The following SLC38A4 variants were observed in gnomAD, a reference collection of about 807,000 sequenced individuals.
The protein encoded by SLC38A4 is sodium-coupled neutral amino acid transporter 4.
A neutral mutation model predicts 63.1 loss-of-function variants in SLC38A4; 20 were observed. That is an observed-to-expected ratio of 0.32 (90% CI 0.22 to 0.46). The LOEUF is 0.46. SLC38A4 is among the 20% of genes least tolerant of loss of function. SLC38A4 has a pLI of 1.00. For missense variants in SLC38A4, 526 were observed against 663.6 expected (o/e 0.79, Z 2.28); for synonymous variants, 230 against 225.5 (o/e 1.02, Z -0.18).
intron 2 of SLC38A4, among the ~76,000 whole-genome samples, chr12:46,799,817 T>C (rs73102706): frequency 0.014 from 2,190 of 152,268 alleles, 18 homozygotes; most frequent in Middle Eastern, 0.031. Context: ...CTTTAGACTA[T>C]ATCATAATTG....
At chr12:46,805,612 A>G (rs181212718) in intron 1 of SLC38A4, among the ~76,000 whole-genome samples, 167 of 152,064 alleles carry the variant, frequency 1.1e-3, no homozygotes, top group African/African-American at 3.5e-3. Flanking sequence ...ATGTAATCTC[A>G]TGCGCATTTG....
intron 2 of SLC38A4, among the ~76,000 whole-genome samples, chr12:46,800,143 A>T (rs1253951219): frequency 3.3e-5 from 5 of 152,218 alleles, no homozygotes; most frequent in African/African-American, 1.2e-4. Context: ...CACTGGGTAG[A>T]CCTGGCTGTC....
At chr12:46,810,613 A>T (rs1939321361) in intron 1 of SLC38A4, among the ~76,000 whole-genome samples, 1 of 151,810 alleles carries the variant, frequency 6.6e-6, no homozygotes, top group Non-Finnish European at 1.5e-5. Flanking sequence ...AAGAGAAATC[A>T]TGTATATCAA....
At position 46,766,214 on chromosome 12, in the gene SLC38A4, T is replaced by G. The variant is rs1938295827; in HGVS notation, c.*487A>C. ...CAGAAACAGTTCCTAAGACATGCCT[T>G]TTGCCTCTGTTAGTAAACAGACCAG... On this transcript the variant is annotated 3_prime_UTR_variant, in exon 17 of 17. Transcript: ENST00000266579. The G allele has an allele frequency of 8.3e-6, 3 of 360,062 alleles. No individual in the cohort carries two copies. Among genetic ancestry groups the G allele is most frequent in the African/African-American group, 2.1e-5 (1 of 46,928 alleles). The allele number at this position is 360,062 out of a possible 1,614,324, so 22.3% of individuals were successfully genotyped here.
chr12:46,801,920 A>G (rs1267995895), intron 2 of SLC38A4, among the ~76,000 whole-genome samples: 1 of 152,028 alleles, frequency 6.6e-6, no homozygotes, highest in Non-Finnish European at 1.5e-5. Flanking sequence ...GTACTTGACT[A>G]TTTCCTATTG....
At chr12:46,822,637 G>C (rs1405930414) in intron 1 of SLC38A4, among the ~76,000 whole-genome samples, 1 of 152,162 alleles carries the variant, frequency 6.6e-6, no homozygotes, top group Non-Finnish European at 1.5e-5. Flanking sequence ...ATGAACTGGA[G>C]AGCTGAGGCA....
intron 1 of SLC38A4, among the ~76,000 whole-genome samples, chr12:46,816,650 T>A (rs984536496): frequency 2.6e-5 from 4 of 151,948 alleles, no homozygotes; most frequent in African/African-American, 9.7e-5. Context: ...CACACTTGAC[T>A]GTTTCCCCAT....
chr12:46,799,329 C>T (rs865828614), intron 2 of SLC38A4, among the ~76,000 whole-genome samples: 3 of 152,074 alleles, frequency 2.0e-5, no homozygotes, highest in African/African-American at 7.2e-5. Flanking sequence ...GGGATGGGCA[C>T]GGTGGCTCAC....
intron 2 of SLC38A4, among the ~76,000 whole-genome samples, chr12:46,802,586 C>G (rs766348086): frequency 6.6e-6 from 1 of 151,948 alleles, no homozygotes; most frequent in Non-Finnish European, 1.5e-5. Context: ...AATGTAAATA[C>G]TTTCAAGAAA....
chr12:46,797,698 G>A (rs996495031), intron 2 of SLC38A4, among the ~76,000 whole-genome samples: 3 of 151,996 alleles, frequency 2.0e-5, no homozygotes, highest in South Asian at 2.1e-4. Context: ...GAACTCTGAT[G>A]AATACATATA....
At chr12:46,815,049 T>C (rs1939411086) in intron 1 of SLC38A4, among the ~76,000 whole-genome samples, 1 of 151,636 alleles carries the variant, frequency 6.6e-6, no homozygotes, top group Non-Finnish European at 1.5e-5. Context: ...TGGCATGAGT[T>C]TTCACCTAAA....
chr12:46,792,123 G>C (rs1938903217), intron 3 of SLC38A4, among the ~76,000 whole-genome samples: 1 of 152,138 alleles, frequency 6.6e-6, no homozygotes, highest in South Asian at 2.1e-4. Flanking sequence ...GCTCTTGCAG[G>C]AGTGTAGAGG....
intron 14 of SLC38A4, among the ~76,000 whole-genome samples, chr12:46,770,165 C>T (rs1342893295): frequency 6.6e-6 from 1 of 151,932 alleles, no homozygotes; most frequent in Non-Finnish European, 1.5e-5. Context: ...CCTTGTTGAT[C>T]ACAAAACATG....
At chr12:46,772,778 C>G (rs1223358641) in intron 14 of SLC38A4, among the ~76,000 whole-genome samples, 1 of 151,980 alleles carries the variant, frequency 6.6e-6, no homozygotes, top group Non-Finnish European at 1.5e-5. Context: ...GCCCAGTTAC[C>G]ATGTTGAAAG....
At chr12:46,818,861 T>C (rs1200163871) in intron 1 of SLC38A4, among the ~76,000 whole-genome samples, 2 of 151,916 alleles carry the variant, frequency 1.3e-5, no homozygotes, top group African/African-American at 4.8e-5. Flanking sequence ...AGTAGACCAG[T>C]ACATTTTGAA....
At chr12:46,797,162 G>A (rs2715788) in intron 2 of SLC38A4, among the ~76,000 whole-genome samples, 112,306 of 152,030 alleles carry the variant, frequency 0.74, 42,075 homozygotes, top group Non-Finnish European at 0.81. Context: ...TTCATATAAC[G>A]TGATGGTTAA....
At chr12:46,776,321 T>A (rs867976686) in intron 13 of SLC38A4, among the ~76,000 whole-genome samples, 41 of 152,184 alleles carry the variant, frequency 2.7e-4, no homozygotes, top group Middle Eastern at 3.4e-3. Context: ...CATAATCTAA[T>A]GTGGCCATAG....
Position 46,766,506 on chromosome 12 carries a change from AAC to A in SLC38A4, c.*193_*194del, listed in dbSNP as rs1565660292. ...AATGTGCACCACAGGTTTTATTTTA[AAC>A]ACATACACAACCATCCTTGACAAAA... On this transcript the variant is annotated 3_prime_UTR_variant, in exon 17 of 17. Transcript: ENST00000266579. The A allele has an allele frequency of 1.5e-6, 1 of 668,366 alleles. No individual in the cohort carries two copies. 41.4% of individuals were successfully genotyped at this position (668,366 alleles called of 1,614,324 possible). A position where few individuals can be genotyped will look rare whatever the true frequency, so the allele number is the denominator to read the frequency against.
chr12:46,803,392 T>C (rs1456152017), intron 2 of SLC38A4, among the ~76,000 whole-genome samples: 1 of 152,036 alleles, frequency 6.6e-6, no homozygotes, highest in East Asian at 1.9e-4. Context: ...CCTAAAATTA[T>C]CTGTAAAAGA....
Sources: gnomAD v4.1 joint callset for allele counts (sites outside exome capture counted in the v4.1 genomes callset) on GRCh38, gnomAD v4.1.1 for gene constraint, MANE v1.5 for transcripts, NCBI Gene and HGNC (gene_info 2026-07-23, HGNC 2026-07-21) for gene names.